The following FRMD4B variants were observed in gnomAD, a reference collection of about 807,000 sequenced individuals.
The protein encoded by FRMD4B is FERM domain containing 4B, also known as FERM domain-containing protein 4B.
A neutral mutation model predicts 141.5 loss-of-function variants in FRMD4B; 74 were observed. The observed-to-expected ratio is 0.52, with a 90% CI of 0.43 to 0.63. FRMD4B has a LOEUF of 0.63. FRMD4B is among the 30% of genes least tolerant of loss of function. The pLI, the probability that FRMD4B is intolerant of heterozygous loss-of-function variation, is 0.00. For missense variants in FRMD4B, 1,366 were observed against 1,253.4 expected (o/e 1.09, Z -1.36); for synonymous variants, 506 against 467.9 (o/e 1.08, Z -1.05).
At chr3:69,233,482 C>CAAA (rs747234977) in intron 7 of FRMD4B, among the ~76,000 whole-genome samples, 1 of 76,012 alleles carries the variant, frequency 1.3e-5, no homozygotes. Context: ...GACCCTGTCT[C>CAAA]AAAAAAAAAA....
chr3:69,476,796 G>C (rs1559539493), intron 1 of FRMD4B, among the ~76,000 whole-genome samples: 1 of 152,288 alleles, frequency 6.6e-6, no homozygotes, highest in South Asian at 2.1e-4. Context: ...ACCTTGGGCA[G>C]TATGGCTATT....
chr3:69,455,456 C>T (rs150277786), intron 1 of FRMD4B, among the ~76,000 whole-genome samples: 28 of 152,276 alleles, frequency 1.8e-4, no homozygotes, highest in African/African-American at 5.3e-4. Flanking sequence ...ATGAACAACT[C>T]CAGACATGCC....
At chr3:69,177,629 C>T (rs2092661514) in intron 21 of FRMD4B, among the ~76,000 whole-genome samples, 1 of 152,086 alleles carries the variant, frequency 6.6e-6, no homozygotes, top group African/African-American at 2.4e-5. Context: ...CAGCCTGGGC[C>T]ACCAAGTGAG....
intron 1 of FRMD4B, among the ~76,000 whole-genome samples, chr3:69,443,623 A>G (rs1473408511): frequency 6.6e-6 from 1 of 152,212 alleles, no homozygotes; most frequent in Non-Finnish European, 1.5e-5. Context: ...CCACCTTTGC[A>G]AAATTATGAC....
At chr3:69,448,933 C>G (rs1705449545) in intron 1 of FRMD4B, among the ~76,000 whole-genome samples, 1 of 152,130 alleles carries the variant, frequency 6.6e-6, no homozygotes. Context: ...CAGGTAGAAG[C>G]TAGCAAAGAA....
chr3:69,309,095 C>G (rs1228472056), intron 3 of FRMD4B, among the ~76,000 whole-genome samples: 1 of 152,118 alleles, frequency 6.6e-6, no homozygotes, highest in African/African-American at 2.4e-5. Flanking sequence ...TAGAACAACA[C>G]CTGGCATTGA....
rs1575796586 is a variant in FRMD4B at position 69,421,019 on chromosome 3, T to C, written c.-1+11615A>G. On this transcript the variant is annotated intron_variant, in intron 2 of 5. Transcript: ENST00000459638. ...CTCCCTCCCACGCCCTCACTCCCCA[T>C]TGTGGCTCACACTGAGTCAGCCCAG... is the stretch of plus-strand genomic sequence containing the variant. Among the ~76,000 whole-genome samples the C allele has an allele frequency of 2.6e-5, 4 of 152,240 alleles. No individual in the cohort carries two copies. In the South Asian group the frequency reaches 6.2e-4, roughly 24 times the overall value.
rs1367190288 is a variant in FRMD4B at position 69,193,724 on chromosome 3, C to T, written c.1638G>A (p.Gln546=). ...QDYTDAMKKL[Q]EIENAINEYR... is the part of the protein sequence containing the mutation. ...ATTCGTTTATTGCATTTTCAATCTC[C>T]TGAAGCTTTTTCATCGCATCTGTGT... Residue 546 remains glutamine, a synonymous_variant, in exon 17 of 23, where the codon CAG becomes CAA. Transcript: ENST00000398540. 9 of 1,613,762 alleles carry T rather than the reference C, an allele frequency of 5.6e-6. No individual in the cohort carries two copies. Among genetic ancestry groups the T allele is most frequent in the Non-Finnish European group, 6.8e-6 (8 of 1,179,734 alleles).
chr3:69,196,344 T>C lies in FRMD4B; in HGVS notation c.1145A>G (p.Glu382Gly). 1 of 1,611,856 alleles carries C rather than the reference T, an allele frequency of 6.2e-7. No homozygotes were observed. Among genetic ancestry groups the C allele is most frequent in the East Asian group, 2.2e-5 (1 of 44,788 alleles). Residue 382 changes from glutamate (E) to glycine (G), a missense_variant, in exon 14 of 23, where the codon GAG (glutamate) becomes GGG (glycine). Coordinates refer to ENST00000398540, the MANE Select transcript of FRMD4B (RefSeq NM_015123.3). ...CTTGGAGGCCCTTTGTGTTCCTGTC[T>C]CTGTCAAATCCATTGCAATCTCATC... ...SLDEIAMDLT[E>G]TGTQRASKLV...
intron 1 of FRMD4B, among the ~76,000 whole-genome samples, chr3:69,525,033 C>A (rs1700911929): frequency 6.6e-6 from 1 of 152,146 alleles, no homozygotes; most frequent in Non-Finnish European, 1.5e-5. Context: ...GGGAACTCTG[C>A]TAATGGAGAG....
intron 1 of FRMD4B, among the ~76,000 whole-genome samples, chr3:69,326,202 C>T (rs1389145154): frequency 6.6e-6 from 1 of 151,458 alleles, no homozygotes; most frequent in African/African-American, 2.4e-5. Flanking sequence ...AGTGATCCTC[C>T]CGCCTCGGCC....
At chr3:69,399,056 T>A (rs1384935) in intron 2 of FRMD4B, among the ~76,000 whole-genome samples, 102,532 of 151,952 alleles carry the variant, frequency 0.67, 34,710 homozygotes, top group East Asian at 0.7. Context: ...AGAAAAAAAA[T>A]TACTTGGAAC....
chr3:69,321,840 G>A (rs1456797504), intron 1 of FRMD4B, among the ~76,000 whole-genome samples: 1 of 151,958 alleles, frequency 6.6e-6, no homozygotes, highest in African/African-American at 2.4e-5. Context: ...TCAGCCTCCC[G>A]AATAGCTGGG....
chr3:69,195,377 G>A lies in FRMD4B; in HGVS notation c.1235-13C>T. On this transcript the variant is annotated splice_polypyrimidine_tract_variant and intron_variant, in intron 14 of 22. Transcript: ENST00000398540. ...GAGTCTTGAGAACCTAGGGGATGAG[G>A]GAAGGGCAGGGAAGGTTTATACAAG... 3.8e-6 allele frequency: 6 copies of A among 1,594,946 alleles called. No individual in the cohort carries two copies. The highest frequency in any genetic ancestry group is 4.3e-6 in the Non-Finnish European group (5 of 1,173,544).
chr3:69,310,011 G>A (rs367853136), intron 3 of FRMD4B, among the ~76,000 whole-genome samples: 1 of 152,208 alleles, frequency 6.6e-6, no homozygotes, highest in Non-Finnish European at 1.5e-5. Flanking sequence ...TCATCCAGTA[G>A]AGGACAGGTC....
chr3:69,299,389 G>A (rs571606776), intron 4 of FRMD4B, among the ~76,000 whole-genome samples: 22 of 152,094 alleles, frequency 1.4e-4, no homozygotes, highest in Non-Finnish European at 3.2e-4. Context: ...ATGCATGAGC[G>A]ATGAGATACA....
intron 1 of FRMD4B, among the ~76,000 whole-genome samples, chr3:69,371,182 C>T (rs1703813716): frequency 6.6e-6 from 1 of 152,184 alleles, no homozygotes; most frequent in Non-Finnish European, 1.5e-5. Flanking sequence ...ATGTAGACTT[C>T]TCAGGAATGA....
At chr3:69,260,022 T>G (rs1275433288) in intron 5 of FRMD4B, among the ~76,000 whole-genome samples, 1 of 152,214 alleles carries the variant, frequency 6.6e-6, no homozygotes, top group Non-Finnish European at 1.5e-5. Context: ...ACTCGTCCTA[T>G]GTGAAGATTA....
intron 1 of FRMD4B, among the ~76,000 whole-genome samples, chr3:69,335,517 A>G (rs1159539963): frequency 1.3e-5 from 2 of 151,178 alleles, no homozygotes; most frequent in South Asian, 2.1e-4. Flanking sequence ...GATTACAGGC[A>G]CGCACCACCA....
Sources: gnomAD v4.1 joint callset for allele counts (sites outside exome capture counted in the v4.1 genomes callset) on GRCh38, gnomAD v4.1.1 for gene constraint, MANE v1.5 for transcripts, NCBI Gene and HGNC (gene_info 2026-07-23, HGNC 2026-07-21) for gene names.